PLXDC2: variants seen among roughly 807,000 people sequenced by gnomAD.
The protein encoded by PLXDC2 is plexin domain-containing protein 2.
In PLXDC2, 40 loss-of-function variants were observed where a neutral mutation model predicts 68.9. The ratio of observed to expected loss-of-function variants is 0.58; its 90% CI spans 0.45 to 0.76. PLXDC2 has a LOEUF of 0.76. Ranked by LOEUF, PLXDC2 falls within the 30% of genes least tolerant of loss-of-function variation. The probability of loss-of-function intolerance (pLI) is 0.00; values close to 1 mark genes in which losing one functional copy is unlikely to be tolerated. For missense variants in PLXDC2, 644 were observed against 661.9 expected (o/e 0.97, Z 0.30); for synonymous variants, 243 against 234.2 (o/e 1.04, Z -0.34).
intron 4 of PLXDC2, among the ~76,000 whole-genome samples, chr10:20,092,534 T>C (rs1028862060): frequency 7.2e-5 from 11 of 152,126 alleles, no homozygotes; most frequent in African/African-American, 2.7e-4. Context: ...TTTGGAAATA[T>C]ATTTTGGACA....
intron 4 of PLXDC2, among the ~76,000 whole-genome samples, chr10:20,085,016 A>C (rs1019278457): frequency 6.6e-6 from 1 of 151,690 alleles, no homozygotes; most frequent in African/African-American, 2.4e-5. Flanking sequence ...TGCCTTTTTC[A>C]TATGTAAATG....
intron 4 of PLXDC2, among the ~76,000 whole-genome samples, chr10:20,130,102 A>C (rs1468368777): frequency 2.0e-5 from 3 of 152,000 alleles, no homozygotes; most frequent in African/African-American, 7.2e-5. Context: ...GCTTTGGGTC[A>C]CATGGAAAGT....
chr10:20,212,925 G>C (rs1414591343), intron 10 of PLXDC2, among the ~76,000 whole-genome samples: 1 of 152,012 alleles, frequency 6.6e-6, no homozygotes, highest in East Asian at 1.9e-4. Context: ...ATAAAATGTT[G>C]AAAATGAATA....
chr10:20,279,903 A>AAC lies in PLXDC2; in HGVS notation c.*94_*95dup. ...CCTATACCTTTAAGACAAACAAACA[A>AAC]ACACACACACAAACAAGCTCTAAGC... On this transcript the variant is annotated 3_prime_UTR_variant, in exon 14 of 14. Transcript: ENST00000377252. 5.1e-6 allele frequency: 5 copies of AAC among 976,964 alleles called. No homozygotes were observed. The highest frequency in any genetic ancestry group is 4.1e-5 in the South Asian group (3 of 72,900). 60.5% of individuals were successfully genotyped at this position (976,964 alleles called of 1,614,324 possible).
chr10:20,160,770 A>G (rs1834280494), intron 6 of PLXDC2, among the ~76,000 whole-genome samples: 1 of 152,236 alleles, frequency 6.6e-6, no homozygotes, highest in African/African-American at 2.4e-5. Context: ...TGCTGCACAA[A>G]GTGAAACTTT....
chr10:20,222,413 C>G (rs1170065968), intron 12 of PLXDC2, among the ~76,000 whole-genome samples: 2 of 152,190 alleles, frequency 1.3e-5, no homozygotes, highest in African/African-American at 4.8e-5. Flanking sequence ...GAGTTACAAT[C>G]TGCTAAGTCA....
intron 13 of PLXDC2, among the ~76,000 whole-genome samples, chr10:20,271,822 G>A (rs1237976671): frequency 6.6e-6 from 1 of 152,168 alleles, no homozygotes. Context: ...TAGCAGCTTC[G>A]AGGTGAGGTA....
At chr10:20,154,168 C>G (rs966576370) in intron 6 of PLXDC2, among the ~76,000 whole-genome samples, 4 of 152,066 alleles carry the variant, frequency 2.6e-5, no homozygotes, top group Admixed American at 6.5e-5. Context: ...TATTAAGTTG[C>G]CATTAAATAG....
At chr10:20,142,938 G>A (rs1426092926) in intron 4 of PLXDC2, among the ~76,000 whole-genome samples, 1 of 152,036 alleles carries the variant, frequency 6.6e-6, no homozygotes, top group Non-Finnish European at 1.5e-5. Flanking sequence ...GTAAGCTATT[G>A]TTAAAATAAC....
chr10:20,139,959 A>G (rs1291087093), intron 4 of PLXDC2, among the ~76,000 whole-genome samples: 1 of 152,168 alleles, frequency 6.6e-6, no homozygotes, highest in Non-Finnish European at 1.5e-5. Flanking sequence ...CCTATGTAAC[A>G]AACCTGCACG....
intron 6 of PLXDC2, among the ~76,000 whole-genome samples, chr10:20,149,921 C>G (rs1834130617): frequency 6.6e-6 from 1 of 152,052 alleles, no homozygotes; most frequent in African/African-American, 2.4e-5. Flanking sequence ...TTTACTTATT[C>G]TTTTAATTAA....
chr10:20,246,867 C>A (rs2119338495), intron 13 of PLXDC2, among the ~76,000 whole-genome samples: 1 of 152,124 alleles, frequency 6.6e-6, no homozygotes, highest in African/African-American at 2.4e-5. Context: ...GACTTTTAAA[C>A]TATGGAGTTA....
intron 1 of PLXDC2, among the ~76,000 whole-genome samples, chr10:19,828,746 G>T (rs999032009): frequency 6.6e-6 from 1 of 152,102 alleles, no homozygotes; most frequent in East Asian, 1.9e-4. Context: ...TTGAAAATAG[G>T]CATGGCCAAT....
intron 4 of PLXDC2, among the ~76,000 whole-genome samples, chr10:20,088,969 T>TA (rs1833237933): frequency 6.6e-6 from 1 of 152,210 alleles, no homozygotes; most frequent in African/African-American, 2.4e-5. Context: ...TACTCAGGCA[T>TA]AAGCTGGGCT....
chr10:20,255,042 G>A (rs1021337544), intron 13 of PLXDC2, among the ~76,000 whole-genome samples: 4 of 151,920 alleles, frequency 2.6e-5, no homozygotes, highest in African/African-American at 9.7e-5. Flanking sequence ...CCCTTCATTG[G>A]GGAGAATTAC....
chr10:19,929,597 G>A (rs758513305), intron 1 of PLXDC2, among the ~76,000 whole-genome samples: 2 of 152,180 alleles, frequency 1.3e-5, no homozygotes, highest in South Asian at 4.1e-4. Flanking sequence ...ATTTGTACAC[G>A]TGCCAACACA....
At chr10:20,139,345 C>G (rs1833971741) in intron 4 of PLXDC2, among the ~76,000 whole-genome samples, 1 of 152,196 alleles carries the variant, frequency 6.6e-6, no homozygotes, top group Non-Finnish European at 1.5e-5. Flanking sequence ...ATGAAGGTGT[C>G]TTTCTCAGTC....
chr10:20,246,040 A>T (rs1223412674), intron 13 of PLXDC2, among the ~76,000 whole-genome samples: 2 of 152,236 alleles, frequency 1.3e-5, no homozygotes, highest in Non-Finnish European at 2.9e-5. Flanking sequence ...TGCATAATGT[A>T]TGTACACTTG....
At chr10:20,010,267 T>C (rs1455909375) in intron 2 of PLXDC2, among the ~76,000 whole-genome samples, 1 of 152,176 alleles carries the variant, frequency 6.6e-6, no homozygotes, top group Non-Finnish European at 1.5e-5. Context: ...TTTCAGTCTT[T>C]TCTGTTTGGG....
Sources: allele counts gnomAD v4.1 joint callset (sites outside exome capture counted in the v4.1 genomes callset), GRCh38; gene constraint gnomAD v4.1.1; transcripts MANE v1.5; gene names NCBI Gene and HGNC (gene_info 2026-07-23, HGNC 2026-07-21).